PDE8B: variants seen among roughly 807,000 people sequenced by gnomAD.
PDE8B encodes the protein phosphodiesterase 8B.
Under a neutral mutation model 101.3 loss-of-function variants are expected in PDE8B, and 26 were observed. The observed-to-expected ratio is 0.26, with a 90% CI of 0.19 to 0.36. The LOEUF is 0.36. Among genes scored for constraint, PDE8B ranks in the 10% least tolerant of loss-of-function variants. The pLI is 1.00. For synonymous variants in PDE8B, 424 were observed against 429.3 expected (o/e 0.99, Z 0.15); for missense variants, 810 against 1,163.1 (o/e 0.70, Z 4.42).
chr5:77,119,105 A>G, the PDE8B span: 1 of 152,206 alleles, frequency 6.6e-6, no homozygotes, highest in Non-Finnish European at 1.5e-5. Flanking sequence ...ACCAGAATTC[A>G]AATGAAAACC....
At chr5:77,348,228 G>T (rs2150419491) in intron 7 of PDE8B, among the ~76,000 whole-genome samples, 1 of 152,298 alleles carries the variant, frequency 6.6e-6, no homozygotes, top group Non-Finnish European at 1.5e-5. Context: ...CTCCGAAGCA[G>T]CAGATGGATG....
At chr5:77,110,268 G>A in the PDE8B span, among the ~76,000 whole-genome samples, 1 of 151,992 alleles carries the variant, frequency 6.6e-6, no homozygotes, top group Non-Finnish European at 1.5e-5. Context: ...TAAATGGCCA[G>A]CGCTTTTTTT....
chr5:77,170,591 T>G, the PDE8B span, among the ~76,000 whole-genome samples: 1 of 152,248 alleles, frequency 6.6e-6, no homozygotes, highest in Non-Finnish European at 1.5e-5. Flanking sequence ...TTCTTGTTAT[T>G]GTTTTAAGCT....
chr5:77,328,905 T>C, intron 3 of PDE8B, 93 bp from the exon 4 acceptor site: 1 of 927,020 alleles, frequency 1.1e-6, no homozygotes, highest in Non-Finnish European at 1.8e-6. Flanking sequence ...AAAGATTTGA[T>C]GTTGTATCAT....
intron 10 of PDE8B, among the ~76,000 whole-genome samples, chr5:77,387,555 G>C (rs1265024384): frequency 6.6e-6 from 1 of 152,104 alleles, no homozygotes; most frequent in Admixed American, 6.5e-5. Context: ...GGGGTGTCTT[G>C]GGGTTGCTCT....
intron 10 of PDE8B, among the ~76,000 whole-genome samples, chr5:77,361,158 AG>A (rs1048046129): frequency 1.3e-5 from 2 of 152,248 alleles, no homozygotes; most frequent in Non-Finnish European, 2.9e-5. Flanking sequence ...TGCCAGATAA[AG>A]CTGTGCCCTG....
chr5:77,154,849 A>G, the PDE8B span, among the ~76,000 whole-genome samples: 1 of 152,200 alleles, frequency 6.6e-6, no homozygotes, highest in Non-Finnish European at 1.5e-5. Context: ...GTAAAAATCT[A>G]TGGTGCCCTG....
At chr5:77,116,204 C>CTATATATA in the PDE8B span, among the ~76,000 whole-genome samples, 8 of 91,094 alleles carry the variant, frequency 8.8e-5, no homozygotes, top group African/African-American at 3.3e-4. Flanking sequence ...CCGAGTTCTT[C>CTATATATA]TATATATATA....
chr5:77,157,117 G>A, the PDE8B span, among the ~76,000 whole-genome samples: 4,663 of 152,076 alleles, frequency 0.031, 217 homozygotes, highest in African/African-American at 0.1. Context: ...GTTTTTTACT[G>A]GTGCTAAAAA....
rs540318563 is a variant in PDE8B at position 77,373,155 on chromosome 5, A to G, written c.1167+19749A>G. Reference sequence around the variant, plus strand: ...ACTTGGTTGATCTTTTTGGAGAACCAACTTGTAGGCTTTATTACTTTTCTC... The same window carrying G: ...ACTTGGTTGATCTTTTTGGAGAACCGACTTGTAGGCTTTATTACTTTTCTC... On this transcript the variant is annotated intron_variant, in intron 10 of 21. Transcript: ENST00000264917. Among the ~76,000 whole-genome samples, 13 of 152,276 alleles carry G rather than the reference A, an allele frequency of 8.5e-5. No individual in the cohort carries two copies. The South Asian group carries it at 1.5e-3, about 17-fold the overall frequency.
intron 10 of PDE8B, among the ~76,000 whole-genome samples, chr5:77,371,081 CTG>C (rs1389509415): frequency 6.6e-6 from 1 of 152,118 alleles, no homozygotes; most frequent in East Asian, 1.9e-4. Flanking sequence ...TACTTTCACT[CTG>C]TGAGTTTCCT....
At chr5:77,093,308 G>T in the PDE8B span, among the ~76,000 whole-genome samples, 1 of 151,998 alleles carries the variant, frequency 6.6e-6, no homozygotes, top group Non-Finnish European at 1.5e-5. Flanking sequence ...AGTCAGTTTT[G>T]GTAGTTTGTA....
At chr5:77,359,047 C>T (rs1011609418) in intron 10 of PDE8B, among the ~76,000 whole-genome samples, 8 of 152,126 alleles carry the variant, frequency 5.3e-5, no homozygotes, top group Admixed American at 5.2e-4. Flanking sequence ...GAACAGCCAA[C>T]CCCCGAGCAG....
chr5:77,215,409 C>T (rs1749464020), intron 1 of PDE8B, among the ~76,000 whole-genome samples: 1 of 152,184 alleles, frequency 6.6e-6, no homozygotes, highest in South Asian at 2.1e-4. Flanking sequence ...TGCCTTCTGC[C>T]ATTGTATATA....
intron 2 of PDE8B, among the ~76,000 whole-genome samples, chr5:77,319,880 TAGA>T (rs879749940): frequency 2.0e-5 from 3 of 152,216 alleles, no homozygotes; most frequent in Non-Finnish European, 4.4e-5. Context: ...CTTATACAAC[TAGA>T]AGAAGGTGGC....
At chr5:77,426,347 A>T in intron 21 of PDE8B, 98 bp from the exon 22 acceptor site, 1 of 781,044 alleles carries the variant, frequency 1.3e-6, no homozygotes, top group Non-Finnish European at 2.3e-6. Flanking sequence ...TGCCTCCTCT[A>T]ATTCTGATCC....
At chr5:77,222,451 A>G (rs1054528041) in intron 1 of PDE8B, among the ~76,000 whole-genome samples, 1 of 152,130 alleles carries the variant, frequency 6.6e-6, no homozygotes, top group Non-Finnish European at 1.5e-5. Context: ...GTGAAACCCC[A>G]TCTCTCCTAA....
At chr5:77,151,729 A>T in the PDE8B span, among the ~76,000 whole-genome samples, 1 of 152,232 alleles carries the variant, frequency 6.6e-6, no homozygotes, top group Admixed American at 6.5e-5. Context: ...CACTCCTTCC[A>T]GACAGCTCAC....
intron 1 of PDE8B, among the ~76,000 whole-genome samples, chr5:77,256,621 A>C (rs1759233388): frequency 6.6e-6 from 1 of 152,226 alleles, no homozygotes; most frequent in African/African-American, 2.4e-5. Context: ...GAAACTAAAT[A>C]AATAACTTCT....
Sources: allele counts gnomAD v4.1 joint callset (sites outside exome capture counted in the v4.1 genomes callset), GRCh38; gene constraint gnomAD v4.1.1; transcripts MANE v1.5; gene names NCBI Gene and HGNC (gene_info 2026-07-23, HGNC 2026-07-21).